Variants in TMEM132D observed in about 807,000 individuals in gnomAD.
TMEM132D encodes transmembrane protein 132D.
Under a neutral mutation model 62.3 loss-of-function variants are expected in TMEM132D, and 21 were observed. The observed-to-expected ratio is 0.34, with a 90% CI of 0.24 to 0.49. The LOEUF (loss-of-function observed/expected upper bound fraction) is 0.49. TMEM132D is among the 20% of genes least tolerant of loss of function. The pLI is 0.99. For missense variants in TMEM132D, 1,346 were observed against 1,402.8 expected, an observed-to-expected ratio of 0.96 and a Z score of 0.65; for synonymous variants, 621 against 575.6, an observed-to-expected ratio of 1.08 and a Z score of -1.13.
At chr12:129,616,774 T>G (rs1878928004) in intron 2 of TMEM132D, among the ~76,000 whole-genome samples, 1 of 152,154 alleles carries the variant, frequency 6.6e-6, no homozygotes, top group African/African-American at 2.4e-5. Flanking sequence ...CCTCTTTCCT[T>G]CATAAAGTAC....
chr12:129,477,240 C>T (rs756833721), intron 3 of TMEM132D, among the ~76,000 whole-genome samples: 1 of 152,092 alleles, frequency 6.6e-6, no homozygotes, highest in East Asian at 1.9e-4. Context: ...GAAACACAGT[C>T]GTAAGATGAG....
intron 4 of TMEM132D, among the ~76,000 whole-genome samples, chr12:129,217,479 G>T (rs575203445): frequency 3.3e-5 from 5 of 152,272 alleles, no homozygotes; most frequent in African/African-American, 1.2e-4. Context: ...AACAGCAAAT[G>T]AAACGGAGCG....
chr12:129,309,515 T>C (rs937018902), intron 4 of TMEM132D, among the ~76,000 whole-genome samples: 7 of 152,114 alleles, frequency 4.6e-5, no homozygotes, highest in Non-Finnish European at 1.0e-4. Flanking sequence ...TATTGTAGGA[T>C]TGTGATTGCT....
At chr12:129,319,661 G>A (rs961909427) in intron 4 of TMEM132D, among the ~76,000 whole-genome samples, 5 of 152,222 alleles carry the variant, frequency 3.3e-5, no homozygotes, top group African/African-American at 1.2e-4. Context: ...TTTGTGGGAT[G>A]TGTAGATAAG....
Position 129,074,589 on chromosome 12 carries a change from C to T in TMEM132D, c.2586G>A (p.Leu862=), listed in dbSNP as rs2135603765. ...GGCTTTCCTGGCCTTTCTTCTTCTG[C>T]AGGATGGACCTGTCTGTCGTGGTGC... ...GRGTTTDRSI[L]QKKKGQESLL... The change falls in exon 9 of 9, where the codon CTG becomes CTA. Residue 862 remains leucine, a synonymous_variant. Transcript: ENST00000422113. 6.2e-7 allele frequency: 1 copy of T among 1,614,092 alleles called. No individual in the cohort carries two copies. Among genetic ancestry groups the T allele is most frequent in the Non-Finnish European group, 8.5e-7 (1 of 1,180,018 alleles).
intron 1 of TMEM132D, among the ~76,000 whole-genome samples, chr12:129,871,473 A>G (rs1346906613): frequency 6.6e-6 from 1 of 152,140 alleles, no homozygotes; most frequent in African/African-American, 2.4e-5. Context: ...TAAAAAGGCA[A>G]CGAATCCCCC....
intron 2 of TMEM132D, among the ~76,000 whole-genome samples, chr12:129,542,533 T>C (rs562931677): frequency 1.3e-5 from 2 of 152,296 alleles, no homozygotes; most frequent in South Asian, 4.1e-4. Flanking sequence ...TGAATGGGGA[T>C]ATAAGAGAAG....
intron 4 of TMEM132D, among the ~76,000 whole-genome samples, chr12:129,289,196 A>G (rs1881379612): frequency 6.6e-6 from 1 of 152,192 alleles, no homozygotes; most frequent in Non-Finnish European, 1.5e-5. Flanking sequence ...TTGTACCTAT[A>G]GTTAACAGGA....
At chr12:129,141,663 C>T (rs1302899233) in intron 5 of TMEM132D, among the ~76,000 whole-genome samples, 1 of 152,106 alleles carries the variant, frequency 6.6e-6, no homozygotes, top group Non-Finnish European at 1.5e-5. Flanking sequence ...AATGCAGGAA[C>T]AGAAAACCAA....
intron 2 of TMEM132D, among the ~76,000 whole-genome samples, chr12:129,684,022 G>A (rs781202938): frequency 2.1e-4 from 32 of 152,170 alleles, no homozygotes; most frequent in South Asian, 1.0e-3. Context: ...TACAAAGTGC[G>A]AACGTCAATG....
chr12:129,431,299 T>G (rs957059638), intron 3 of TMEM132D, among the ~76,000 whole-genome samples: 3 of 152,188 alleles, frequency 2.0e-5, no homozygotes, highest in African/African-American at 7.2e-5. Context: ...GTGCTACATC[T>G]CTGGATTTCC....
chr12:129,438,646 G>T (rs751286350), intron 3 of TMEM132D, among the ~76,000 whole-genome samples: 2 of 152,046 alleles, frequency 1.3e-5, no homozygotes, highest in African/African-American at 2.4e-5. Context: ...GGGACATGAG[G>T]GCATCTGTTG....
At chr12:129,626,463 A>AT (rs200230808) in intron 2 of TMEM132D, among the ~76,000 whole-genome samples, 5,166 of 86,160 alleles carry the variant, frequency 0.06, 287 homozygotes, top group African/African-American at 0.17. Context: ...TTATGTGCCA[A>AT]TTTTTTTTTT....
intron 2 of TMEM132D, among the ~76,000 whole-genome samples, chr12:129,615,662 CTTGGGAGGCCAGG>C (rs1878894275): frequency 6.6e-6 from 1 of 150,562 alleles, no homozygotes; most frequent in South Asian, 2.1e-4. Flanking sequence ...GTCCCAGCTA[CTTGGGAGGCCAGG>C]GTGGGAGGAT....
At chr12:129,231,456 A>C (rs1426391550) in intron 4 of TMEM132D, among the ~76,000 whole-genome samples, 1 of 152,194 alleles carries the variant, frequency 6.6e-6, no homozygotes, top group Non-Finnish European at 1.5e-5. Flanking sequence ...AGAGGTATAA[A>C]ATGTGTTATA....
At chr12:129,647,931 C>T (rs903959622) in intron 2 of TMEM132D, among the ~76,000 whole-genome samples, 12 of 152,220 alleles carry the variant, frequency 7.9e-5, no homozygotes, top group African/African-American at 2.6e-4. Flanking sequence ...TAGTTCATTT[C>T]TGGGCATAGG....
At position 129,122,823 on chromosome 12, in the gene TMEM132D, G is replaced by T. The variant is rs1876105598; in HGVS notation, c.1444-38121C>A. On this transcript the variant is annotated intron_variant, in intron 5 of 8. Coordinates refer to ENST00000422113, the MANE Select transcript of TMEM132D (RefSeq NM_133448.3). Reference sequence around the variant, plus strand: ...CTGAGTTTAAATGCCTTACTTATTTGACATGAAATACTGAAGTTAACATAA... The same window carrying T: ...CTGAGTTTAAATGCCTTACTTATTTTACATGAAATACTGAAGTTAACATAA... Among the ~76,000 whole-genome samples, 3 of 152,102 alleles carry T rather than the reference G, an allele frequency of 2.0e-5. 1 individual carries two copies. The highest frequency in any genetic ancestry group is 6.5e-5 in the Admixed American group (1 of 15,278).
At chr12:129,513,939 G>A (rs1046310449) in intron 3 of TMEM132D, among the ~76,000 whole-genome samples, 3 of 151,162 alleles carry the variant, frequency 2.0e-5, no homozygotes, top group African/African-American at 4.9e-5. Context: ...CCGGGTTTGT[G>A]CCATTCTCCT....
At chr12:129,655,105 G>A (rs954227795) in intron 2 of TMEM132D, among the ~76,000 whole-genome samples, 16 of 151,984 alleles carry the variant, frequency 1.1e-4, no homozygotes, top group Non-Finnish European at 1.6e-4. Context: ...CTGCCACCAT[G>A]CCTGTCTACT....
Sources: allele counts gnomAD v4.1 joint callset (sites outside exome capture counted in the v4.1 genomes callset), GRCh38; gene constraint gnomAD v4.1.1; transcripts MANE v1.5; gene names NCBI Gene and HGNC (gene_info 2026-07-23, HGNC 2026-07-21).